API5: variants seen among roughly 807,000 people sequenced by gnomAD.
The protein encoded by API5 is apoptosis inhibitor 5.
In API5, 6 loss-of-function variants were observed where a neutral mutation model predicts 71.9. The ratio of observed to expected loss-of-function variants is 0.08; its 90% confidence interval spans 0.05 to 0.16. API5 has a LOEUF of 0.16. Ranked by LOEUF, API5 falls within the 10% of genes least tolerant of loss-of-function variation. The probability of loss-of-function intolerance (pLI) is 1.00; values close to 1 mark genes in which losing one functional copy is unlikely to be tolerated. For synonymous variants in API5, 189 were observed against 221.3 expected, an observed-to-expected ratio of 0.85 and a Z score of 1.30; for missense variants, 332 against 612.8, an observed-to-expected ratio of 0.54 and a Z score of 4.84.
chr11:43,314,755 C>T (rs1251217658), intron 1 of API5, among the ~76,000 whole-genome samples: 11 of 152,136 alleles, frequency 7.2e-5, no homozygotes, highest in Non-Finnish European at 1.0e-4. Flanking sequence ...GTAGGAAAAC[C>T]GAAGATAATG....
In API5 at chr11:43,326,443, TCTG is replaced by T. The variant is rs1456897196; in HGVS notation, c.751-61_751-59del. Reference sequence around the variant, plus strand: ...GCGCTCAGCATTTATTGAATGAAATTCTGCTATAATATTTGAGCGAATATTTGT... The same window carrying T: ...GCGCTCAGCATTTATTGAATGAAATTCTATAATATTTGAGCGAATATTTGT... On this transcript the variant is annotated intron_variant, in intron 6 of 13. Transcript: ENST00000531273. 3 of 1,035,534 alleles carry T rather than the reference TCTG, an allele frequency of 2.9e-6. No homozygotes were observed. The African/African-American group carries it at 4.7e-5, about 16-fold the overall frequency. 64.1% of individuals were successfully genotyped at this position (1,035,534 alleles called of 1,614,324 possible). A position where few individuals can be genotyped will look rare whatever the true frequency, so the allele number is the denominator to read the frequency against.
At chr11:43,335,610 A>T (rs972370520) in intron 12 of API5, among the ~76,000 whole-genome samples, 2 of 152,208 alleles carry the variant, frequency 1.3e-5, no homozygotes, top group African/African-American at 4.8e-5. Flanking sequence ...TTGTAAAGTG[A>T]GTCACTTGCA....
At chr11:43,320,604 G>A (rs947343020) in intron 2 of API5, among the ~76,000 whole-genome samples, 5 of 151,734 alleles carry the variant, frequency 3.3e-5, no homozygotes, top group Admixed American at 6.6e-5. Flanking sequence ...GGAGGCTTGC[G>A]TCTATAGTCC....
At chr11:43,322,885 T>C (rs1854942416) in intron 5 of API5, among the ~76,000 whole-genome samples, 1 of 152,204 alleles carries the variant, frequency 6.6e-6, no homozygotes, top group Admixed American at 6.5e-5. Flanking sequence ...ATGTCGTGAT[T>C]GTGAGCTTTT....
At chr11:43,339,374 C>G (rs887163481) in intron 13 of API5, 2 of 152,180 alleles carry the variant, frequency 1.3e-5, no homozygotes, top group African/African-American at 4.8e-5. Context: ...AAACCAAGCT[C>G]TCTCTATTGT....
In API5 at chr11:43,312,088, A is replaced by T. The variant is rs1388250341; in HGVS notation, c.-40A>T. 6.2e-7 allele frequency: 1 copy of T among 1,611,090 alleles called. No individual in the cohort carries two copies. Among genetic ancestry groups the T allele is most frequent in the African/African-American group, 1.3e-5 (1 of 74,978 alleles). ...CGAGGCGGCGGTGGCGCCGGTCAGGACAAGGATAGCGGAACCGGGCCCTGG... is the reference window on the plus strand; with the variant it reads ...CGAGGCGGCGGTGGCGCCGGTCAGGTCAAGGATAGCGGAACCGGGCCCTGG... On this transcript the variant is annotated 5_prime_UTR_variant, in exon 1 of 14. Coordinates refer to ENST00000531273, the MANE Select transcript of API5 (RefSeq NM_001142930.2).
At chr11:43,316,529 C>G (rs935636685) in intron 1 of API5, among the ~76,000 whole-genome samples, 4 of 152,050 alleles carry the variant, frequency 2.6e-5, no homozygotes, top group Non-Finnish European at 5.9e-5. Flanking sequence ...TTTTATGAAG[C>G]CTGCCTAGAA....
At chr11:43,320,769 T>C in intron 2 of API5, 52 bp from the exon 3 acceptor site, 4 of 1,374,620 alleles carry the variant, frequency 2.9e-6, no homozygotes, top group Non-Finnish European at 1.0e-6. Flanking sequence ...AAGCTGTTTG[T>C]TATTTTAAAG....
intron 1 of API5, among the ~76,000 whole-genome samples, chr11:43,313,573 C>T (rs1351214500): frequency 6.6e-6 from 1 of 151,530 alleles, no homozygotes; most frequent in Non-Finnish European, 1.5e-5. Flanking sequence ...TAGGACTTTT[C>T]TGAGCTGAAC....
At chr11:43,313,986 G>C (rs1854583142) in intron 1 of API5, among the ~76,000 whole-genome samples, 1 of 152,084 alleles carries the variant, frequency 6.6e-6, no homozygotes, top group African/African-American at 2.4e-5. Context: ...CTATTTGGGA[G>C]GCTGAGGCAG....
At chr11:43,327,017 A>G (rs1455651087) in intron 7 of API5, among the ~76,000 whole-genome samples, 1 of 152,212 alleles carries the variant, frequency 6.6e-6, no homozygotes, top group Non-Finnish European at 1.5e-5. Context: ...ACATTTTTTC[A>G]CAGCATCTGT....
chr11:43,334,575 GC>G (rs1237893561), intron 11 of API5, among the ~76,000 whole-genome samples: 1 of 152,096 alleles, frequency 6.6e-6, no homozygotes, highest in Non-Finnish European at 1.5e-5. Context: ...TCAAGGTAAA[GC>G]TGGTAAGAGT....
rs1348473814 is a variant in API5, at chr11:43,329,959, A to T, written c.1128-6A>T. On this transcript the variant is annotated splice_polypyrimidine_tract_variant and splice_region_variant and intron_variant, in intron 9 of 13. Coordinates refer to ENST00000531273, the MANE Select transcript of API5 (RefSeq NM_001142930.2). ...ATTGCTAATTAACAAATACATTTTC[A>T]TTTAGGCTGCAGTACTTTGCACGGG... The T allele has an allele frequency of 6.2e-7, 1 of 1,612,638 alleles. No homozygotes were observed. The highest frequency in any genetic ancestry group is 1.7e-5 in the Admixed American group (1 of 59,906).
At chr11:43,330,348 A>G (rs1032580074) in intron 10 of API5, 160 bp from the exon 11 acceptor site, 4 of 672,526 alleles carry the variant, frequency 5.9e-6, no homozygotes, top group Non-Finnish European at 1.0e-5. Context: ...AGAGTCAAGC[A>G]ATAGGAATAC....
intron 13 of API5, among the ~76,000 whole-genome samples, chr11:43,337,443 C>G (rs1053956357): frequency 6.6e-6 from 1 of 152,150 alleles, no homozygotes; most frequent in Non-Finnish European, 1.5e-5. Flanking sequence ...AATGTCTGAA[C>G]AAACAGATTA....
chr11:43,325,169 T>C (rs780615209), intron 6 of API5, among the ~76,000 whole-genome samples: 2 of 152,024 alleles, frequency 1.3e-5, no homozygotes, highest in African/African-American at 2.4e-5. Context: ...CTTGTACTTA[T>C]AACATGTCTG....
intron 13 of API5, among the ~76,000 whole-genome samples, chr11:43,338,983 T>TA (rs1181956740): frequency 6.6e-6 from 1 of 152,194 alleles, no homozygotes; most frequent in Non-Finnish European, 1.5e-5. Flanking sequence ...CTCCCATAGT[T>TA]ACTGCATCTG....
chr11:43,323,122 T>G (rs1454125168), intron 5 of API5, among the ~76,000 whole-genome samples: 1 of 152,084 alleles, frequency 6.6e-6, no homozygotes, highest in Non-Finnish European at 1.5e-5. Context: ...TTTTCTTAAC[T>G]GCTCTCCCAT....
Position 43,311,998 on chromosome 11 carries a change from G to GACTGGCGGCTGC in API5, c.-120_-109dup, listed in dbSNP as rs1201558094. ...GGGGCGCAGCCGCGCTGTGCGCGGT[G>GACTGGCGGCTGC]ACTGGCGGCTGCACTGGCGGCAGCT... On this transcript the variant is annotated 5_prime_UTR_variant, in exon 1 of 14. Transcript: ENST00000531273. The GACTGGCGGCTGC allele has an allele frequency of 1.2e-5, 13 of 1,058,192 alleles. No homozygotes were observed. Among genetic ancestry groups the GACTGGCGGCTGC allele is most frequent in the Middle Eastern group, 3.1e-4 (1 of 3,276 alleles). 65.6% of individuals were successfully genotyped at this position (1,058,192 alleles called of 1,614,324 possible).
Sources: gnomAD v4.1 joint callset for allele counts (sites outside exome capture counted in the v4.1 genomes callset) on GRCh38, gnomAD v4.1.1 for gene constraint, MANE v1.5 for transcripts, NCBI Gene and HGNC (gene_info 2026-07-23, HGNC 2026-07-21) for gene names.